DOCK1: variants seen among roughly 807,000 people sequenced by gnomAD.
The protein encoded by DOCK1 is dedicator of cytokinesis 1.
In DOCK1, 138 loss-of-function variants were observed where a neutral mutation model predicts 262.7. The observed-to-expected ratio is 0.53, with a 90% CI of 0.46 to 0.61. The LOEUF (loss-of-function observed/expected upper bound fraction) is 0.61, where lower values mean the gene tolerates loss of function less well. Ranked by LOEUF, DOCK1 falls within the 20% of genes least tolerant of loss-of-function variation. The probability of loss-of-function intolerance (pLI) is 0.00; values close to 1 mark genes in which losing one functional copy is unlikely to be tolerated. For synonymous variants in DOCK1, 866 were observed against 867.4 expected, an observed-to-expected ratio of 1.00 and a Z score of 0.03; for missense variants, 1,908 against 2,370.7, an observed-to-expected ratio of 0.80 and a Z score of 4.05.
intron 38 of DOCK1, among the ~76,000 whole-genome samples, chr10:127,394,366 AAAAAG>A (rs2066690997): frequency 6.6e-6 from 1 of 152,040 alleles, no homozygotes; most frequent in Non-Finnish European, 1.5e-5. Context: ...AAAAAAAAAA[AAAAAG>A]CGTTTTACAT....
Position 127,089,092 on chromosome 10 carries a change from C to T in DOCK1, c.2446-17139C>T, listed in dbSNP as rs1214965425. Among the ~76,000 whole-genome samples the T allele has an allele frequency of 3.9e-5, 6 of 152,202 alleles. No homozygotes were observed. The East Asian group carries it at 9.6e-4, about 24-fold the overall frequency. ...GACTCCTGAGGAAGCTAGGCGGCTC[C>T]CCTGTGTCACCTCGGCTCTGCCATC... On this transcript the variant is annotated intron_variant, in intron 23 of 51. Transcript: ENST00000623213.
chr10:127,300,383 A>C (rs1194416687), intron 29 of DOCK1, among the ~76,000 whole-genome samples: 37 of 152,128 alleles, frequency 2.4e-4, no homozygotes, highest in Non-Finnish European at 3.8e-4. Context: ...CCACCAAGAG[A>C]CTGGGCTTAG....
intron 44 of DOCK1, among the ~76,000 whole-genome samples, chr10:127,417,182 G>A (rs528373595): frequency 9.2e-5 from 14 of 152,348 alleles, no homozygotes; most frequent in African/African-American, 2.4e-4. Context: ...GGCCCATCAC[G>A]CTTCCTTTGG....
chr10:127,123,905 C>G (rs1436192827), intron 25 of DOCK1, among the ~76,000 whole-genome samples: 1 of 152,220 alleles, frequency 6.6e-6, no homozygotes, highest in Non-Finnish European at 1.5e-5. Context: ...TAAGTGTTGA[C>G]TACTGGCATT....
At chr10:127,281,611 C>T (rs4751157) in intron 29 of DOCK1, among the ~76,000 whole-genome samples, 68,420 of 151,978 alleles carry the variant, frequency 0.45, 15,656 homozygotes, top group African/African-American at 0.52. Context: ...GATGAGGTTC[C>T]TCCTTGCCTC....
intron 27 of DOCK1, among the ~76,000 whole-genome samples, chr10:127,133,058 G>C (rs1264181406): frequency 6.6e-6 from 1 of 152,164 alleles, no homozygotes; most frequent in Non-Finnish European, 1.5e-5. Flanking sequence ...TCTAAACACT[G>C]TCTCAGGGGG....
chr10:127,089,635 G>A (rs986227028), intron 23 of DOCK1, among the ~76,000 whole-genome samples: 2 of 152,200 alleles, frequency 1.3e-5, no homozygotes, highest in South Asian at 2.1e-4. Context: ...CAGGCTTCAG[G>A]CTGGCTCTGC....
At chr10:127,251,400 C>G (rs1346304789) in intron 28 of DOCK1, among the ~76,000 whole-genome samples, 1 of 151,094 alleles carries the variant, frequency 6.6e-6, no homozygotes, top group East Asian at 1.9e-4. Flanking sequence ...TATTATTATA[C>G]TTTAAGTTTT....
intron 51 of DOCK1, 34 bp downstream of exon 51, chr10:127,447,579 G>A: frequency 6.2e-7 from 1 of 1,609,260 alleles, no homozygotes; most frequent in South Asian, 1.1e-5. Context: ...GGCTTTCATT[G>A]CTTCGCCTCC....
At chr10:127,105,025 G>A (rs1320844784) in intron 23 of DOCK1, among the ~76,000 whole-genome samples, 1 of 152,162 alleles carries the variant, frequency 6.6e-6, no homozygotes, top group African/African-American at 2.4e-5. Context: ...CCTGTGGGAG[G>A]TAATTGAATC....
At chr10:127,037,653 A>G (rs900466660) in intron 18 of DOCK1, 66 bp from the exon 19 acceptor site, 7 of 1,376,816 alleles carry the variant, frequency 5.1e-6, no homozygotes, top group East Asian at 2.5e-5. Context: ...CACATAATGC[A>G]TGATTAACAG....
chr10:126,995,239 G>A lies in DOCK1; in HGVS notation c.474-1509G>A, dbSNP rs530942838. On this transcript the variant is annotated intron_variant, in intron 6 of 51. Transcript: ENST00000623213. This position sits in a 1 kb window ranked among gnomAD's most constrained non-coding sequence, Gnocchi z 5.8. ...ACGCTCCTCACTTCCCAGACGGGGT[G>A]GCGGCCGGGCAGAGGCTGCAATCTC... Among the ~76,000 whole-genome samples the A allele has an allele frequency of 4.6e-5, 7 of 152,156 alleles. No homozygotes were observed. Among genetic ancestry groups the A allele is most frequent in the Admixed American group, 6.5e-5 (1 of 15,292 alleles).
chr10:127,280,450 A>T (rs1340108891), intron 29 of DOCK1, among the ~76,000 whole-genome samples: 2 of 152,150 alleles, frequency 1.3e-5, no homozygotes, highest in Non-Finnish European at 2.9e-5. Flanking sequence ...CATTTCACGC[A>T]GCATCATGCT....
At chr10:127,037,671 A>T (rs1420751012) in intron 18 of DOCK1, 48 bp from the exon 19 acceptor site, 2 of 1,492,414 alleles carry the variant, frequency 1.3e-6, no homozygotes, top group Admixed American at 4.2e-5. Flanking sequence ...CAGAGACAGA[A>T]CAGAGTTTCT....
In DOCK1 at chr10:126,982,223, T is replaced by G. The variant is rs560807412; in HGVS notation, c.227+250T>G. ...CTGTCCTTGAACCTGGGGTCACTAT[T>G]GGAAAGCATTCGCCCTGGTGCTCTG... On this transcript the variant is annotated intron_variant, in intron 4 of 51. Transcript: ENST00000623213. Among the ~76,000 whole-genome samples the G allele has an allele frequency of 2.6e-5, 4 of 152,272 alleles. 1 individual carries two copies. Among genetic ancestry groups the G allele is most frequent in the African/African-American group, 9.6e-5 (4 of 41,556 alleles).
intron 2 of DOCK1, among the ~76,000 whole-genome samples, chr10:126,973,177 T>C (rs142971284): frequency 1.1e-3 from 171 of 152,068 alleles, no homozygotes; most frequent in African/African-American, 4.0e-3. Flanking sequence ...CCCCTGGGCC[T>C]GTGGAGACTG....
At chr10:127,315,850 C>T (rs1444082161) in intron 29 of DOCK1, among the ~76,000 whole-genome samples, 1 of 152,048 alleles carries the variant, frequency 6.6e-6, no homozygotes, top group African/African-American at 2.4e-5. Flanking sequence ...AGGTGCCTGC[C>T]CCCATGCCGG....
At chr10:127,101,685 T>C (rs2048258287) in intron 23 of DOCK1, among the ~76,000 whole-genome samples, 1 of 152,156 alleles carries the variant, frequency 6.6e-6, no homozygotes, top group Non-Finnish European at 1.5e-5. Flanking sequence ...TCACACAGTG[T>C]CCGGCAGCCC....
At chr10:127,402,611 AT>A in intron 38 of DOCK1, 1 of 506,614 alleles carries the variant, frequency 2.0e-6, no homozygotes, top group South Asian at 1.4e-5. Context: ...TCGACATAGC[AT>A]TTTTTAGGTG....
Sources: allele counts gnomAD v4.1 joint callset (sites outside exome capture counted in the v4.1 genomes callset), GRCh38; gene constraint gnomAD v4.1.1; non-coding constraint Gnocchi (gnomAD v3.1); transcripts MANE v1.5; gene names NCBI Gene and HGNC (gene_info 2026-07-23, HGNC 2026-07-21).